CDC5L: variants seen among roughly 807,000 people sequenced by gnomAD.
The protein encoded by CDC5L is cell division cycle 5 like, also known as cell division cycle 5-like protein.
Under a neutral mutation model 104.1 loss-of-function variants are expected in CDC5L, and 18 were observed. The observed-to-expected ratio is 0.17, with a 90% CI of 0.12 to 0.26. The LOEUF (loss-of-function observed/expected upper bound fraction) is 0.26. Among genes scored for constraint, CDC5L ranks in the 10% least tolerant of loss-of-function variants. The pLI, the probability that CDC5L is intolerant of heterozygous loss-of-function variation, is 1.00. For synonymous variants in CDC5L, 331 were observed against 322.7 expected, an observed-to-expected ratio of 1.03 and a Z score of -0.28; for missense variants, 673 against 956.9, an observed-to-expected ratio of 0.70 and a Z score of 3.91.
At chr6:44,417,919 T>C (rs1009194412) in intron 8 of CDC5L, among the ~76,000 whole-genome samples, 4 of 152,234 alleles carry the variant, frequency 2.6e-5, no homozygotes, top group Non-Finnish European at 5.9e-5. Context: ...ATTCTTGTAA[T>C]AGTAATTTCA....
chr6:44,398,856 G>A (rs540787336), intron 5 of CDC5L, among the ~76,000 whole-genome samples: 15 of 152,296 alleles, frequency 9.8e-5, no homozygotes, highest in African/African-American at 2.6e-4. Context: ...GTACACTAAC[G>A]TTTATACAAA....
Position 44,448,868 on chromosome 6 carries a change from T to C in CDC5L, c.*2157T>C, listed in dbSNP as rs1451629325. On this transcript the variant is annotated 3_prime_UTR_variant, in exon 16 of 16. Coordinates refer to ENST00000371477, the MANE Select transcript of CDC5L (RefSeq NM_001253.4). ...TTTATCTGAAAGACAGTGTCTCTCT[T>C]TTAGTTTTTAAAGAGTTTGAATTAG... 1 of 152,188 alleles carries C rather than the reference T, an allele frequency of 6.6e-6. No individual in the cohort carries two copies. Among genetic ancestry groups the C allele is most frequent in the Non-Finnish European group, 1.5e-5 (1 of 68,018 alleles). The allele number at this position is 152,188 out of a possible 1,614,324, so 9.4% of individuals were successfully genotyped here. A position where few individuals can be genotyped will look rare whatever the true frequency, so the allele number is the denominator to read the frequency against.
Position 44,403,890 on chromosome 6 carries a change from A to G in CDC5L, c.621A>G (p.Gly207=). 6.2e-7 allele frequency: 1 copy of G among 1,613,636 alleles called. No individual in the cohort carries two copies. The highest frequency in any genetic ancestry group is 8.5e-7 in the Non-Finnish European group (1 of 1,179,744). ...EIQKKRKRKR[G]VDYNAEIPFE... is the part of the protein sequence containing the mutation. ...AGAAGAAAAGAAAAAGGAAGAGAGG[A>G]GTTGATTATAATGCCGAAATCCCAT... The change falls in exon 6 of 16, where the codon GGA becomes GGG. Residue 207 remains glycine, a synonymous_variant. Transcript: ENST00000371477.
chr6:44,427,435 A>G (rs1315156110), intron 13 of CDC5L, among the ~76,000 whole-genome samples: 2 of 152,286 alleles, frequency 1.3e-5, no homozygotes, highest in South Asian at 2.1e-4. Context: ...TGATAGACCT[A>G]TGGATTTGGA....
chr6:44,410,655 G>A (rs774897795), intron 8 of CDC5L, among the ~76,000 whole-genome samples: 4 of 152,150 alleles, frequency 2.6e-5, no homozygotes, highest in Non-Finnish European at 5.9e-5. Flanking sequence ...CTCCTATACT[G>A]TTGAGTTTGT....
chr6:44,449,684 A>T lies in CDC5L; in HGVS notation c.*2973A>T, dbSNP rs1255817958. ...GGGAGAGTCCTTTTTGAAATATTAG[A>T]GACATAATGCTGTCTAATAAAAAAC... On this transcript the variant is annotated 3_prime_UTR_variant, in exon 16 of 16. Coordinates refer to ENST00000371477, the MANE Select transcript of CDC5L (RefSeq NM_001253.4). 6.6e-6 allele frequency: 1 copy of T among 152,178 alleles called. No individual in the cohort carries two copies. Among genetic ancestry groups the T allele is most frequent in the Non-Finnish European group, 1.5e-5 (1 of 68,032 alleles). 9.4% of individuals were successfully genotyped at this position (152,178 alleles called of 1,614,324 possible).
At chr6:44,439,071 G>T (rs567078841) in intron 14 of CDC5L, among the ~76,000 whole-genome samples, 1 of 152,002 alleles carries the variant, frequency 6.6e-6, no homozygotes, top group Admixed American at 6.6e-5. Context: ...CAATAGATTT[G>T]CCTATTTTGG....
intron 1 of CDC5L, among the ~76,000 whole-genome samples, chr6:44,389,505 G>T (rs918502540): frequency 1.1e-4 from 16 of 152,138 alleles, no homozygotes; most frequent in Admixed American, 1.0e-3. Flanking sequence ...TAACTTTCTT[G>T]TCTTTGGCTT....
In CDC5L at chr6:44,424,927, G is replaced by T. The variant is rs1313251651; in HGVS notation, c.1569+344G>T. On this transcript the variant is annotated intron_variant, in intron 11 of 15. Transcript: ENST00000371477. ...TTAGTCTTAAAAACAAATACATCTT[G>T]GTTCCTGGGTGGTGCGATGTACGAG... is the stretch of plus-strand genomic sequence containing the variant. Among the ~76,000 whole-genome samples the T allele has an allele frequency of 1.3e-5, 2 of 152,028 alleles. 1 individual carries two copies. Among genetic ancestry groups the T allele is most frequent in the Middle Eastern group, 6.3e-3 (2 of 316 alleles).
rs140949662 is a variant in CDC5L at position 44,400,397 on chromosome 6, T to C, written c.540-3412T>C. Among the ~76,000 whole-genome samples, 12 of 152,358 alleles carry C rather than the reference T, an allele frequency of 7.9e-5. No homozygotes were observed. The East Asian group carries it at 2.3e-3, about 29-fold the overall frequency. On this transcript the variant is annotated intron_variant, in intron 5 of 15. Transcript: ENST00000371477. Reference sequence around the variant, plus strand: ...GTTTGATGACTGGTTTATTTTATTTTATGTTTTTGAGACGGAGTCTCGCTC... The same window carrying C: ...GTTTGATGACTGGTTTATTTTATTTCATGTTTTTGAGACGGAGTCTCGCTC...
intron 9 of CDC5L, among the ~76,000 whole-genome samples, chr6:44,422,123 T>TA (rs1462059197): frequency 1.3e-5 from 2 of 152,242 alleles, no homozygotes; most frequent in Non-Finnish European, 2.9e-5. Context: ...CTCAGGAACT[T>TA]ACTCATGTTT....
At chr6:44,413,928 T>A (rs1375680837) in intron 8 of CDC5L, among the ~76,000 whole-genome samples, 1 of 152,242 alleles carries the variant, frequency 6.6e-6, no homozygotes, top group Non-Finnish European at 1.5e-5. Context: ...TCTAATTCTT[T>A]ACATCCTCAC....
intron 1 of CDC5L, among the ~76,000 whole-genome samples, chr6:44,389,775 T>C (rs1032622155): frequency 1.2e-4 from 18 of 152,164 alleles, no homozygotes; most frequent in African/African-American, 4.3e-4. Context: ...CCCAACTTGC[T>C]TCTTGAGGCC....
chr6:44,440,168 C>A (rs1793114816), intron 14 of CDC5L, among the ~76,000 whole-genome samples: 1 of 151,894 alleles, frequency 6.6e-6, no homozygotes, highest in Non-Finnish European at 1.5e-5. Context: ...AATTTTAGAT[C>A]CATCTCATGT....
At chr6:44,421,462 A>G (rs1227752442) in intron 9 of CDC5L, among the ~76,000 whole-genome samples, 2 of 152,210 alleles carry the variant, frequency 1.3e-5, no homozygotes, top group Admixed American at 6.5e-5. Context: ...AAAGCACTTC[A>G]GGCTATTACA....
At chr6:44,432,146 A>G (rs1792715945) in intron 14 of CDC5L, among the ~76,000 whole-genome samples, 1 of 152,192 alleles carries the variant, frequency 6.6e-6, no homozygotes, top group African/African-American at 2.4e-5. Flanking sequence ...CTAATTCAGA[A>G]CTAGGTTTCT....
At chr6:44,412,857 A>G (rs1276830862) in intron 8 of CDC5L, among the ~76,000 whole-genome samples, 1 of 132,916 alleles carries the variant, frequency 7.5e-6, no homozygotes, top group African/African-American at 2.9e-5. Flanking sequence ...ATCTCGGCTC[A>G]CTGCAAGCTC....
Position 44,449,311 on chromosome 6 carries a change from G to A in CDC5L, c.*2600G>A, listed in dbSNP as rs1793564904. The A allele has an allele frequency of 6.6e-6, 1 of 152,158 alleles. No homozygotes were observed. The highest frequency in any genetic ancestry group is 1.5e-5 in the Non-Finnish European group (1 of 68,046). The allele number at this position is 152,158 out of a possible 1,614,324, so 9.4% of individuals were successfully genotyped here. On this transcript the variant is annotated 3_prime_UTR_variant, in exon 16 of 16. Coordinates refer to ENST00000371477, the MANE Select transcript of CDC5L (RefSeq NM_001253.4). ...TTATCCTTTGTCAGTATCCTGTAAA[G>A]CCCAGGATTCTTTACCAGCACCATA...
rs1399537911 is a variant in CDC5L at position 44,397,417 on chromosome 6, A to G, written c.539+977A>G. 2.0e-5 allele frequency among the ~76,000 whole-genome samples: 3 copies of G among 152,214 alleles called. No individual in the cohort carries two copies. In the East Asian group the frequency reaches 5.8e-4, roughly 29 times the overall value. On this transcript the variant is annotated intron_variant, in intron 5 of 15. Coordinates refer to ENST00000371477, the MANE Select transcript of CDC5L (RefSeq NM_001253.4). ...GGAATTGTCCAGTTCCTATTTCGCT[A>G]GTATTCTTTACCTTCTTTATTTCTC... is the stretch of plus-strand genomic sequence containing the variant.
Sources: gnomAD v4.1 joint callset for allele counts (sites outside exome capture counted in the v4.1 genomes callset) on GRCh38, gnomAD v4.1.1 for gene constraint, MANE v1.5 for transcripts, NCBI Gene and HGNC (gene_info 2026-07-23, HGNC 2026-07-21) for gene names.